The following SLIT3 variants were observed in gnomAD, a reference collection of about 807,000 sequenced individuals.
The protein encoded by SLIT3 is slit homolog 3 protein.
SLIT3 carries 68 observed loss-of-function variants against 184.0 expected under a neutral mutation model. That is an observed-to-expected ratio of 0.37 (90% CI 0.30 to 0.45). SLIT3 has a LOEUF of 0.45. SLIT3 is among the 20% of genes least tolerant of loss of function. The probability of loss-of-function intolerance (pLI) is 1.00; values close to 1 mark genes in which losing one functional copy is unlikely to be tolerated. For missense variants in SLIT3, 1,707 were observed against 2,026.0 expected (o/e 0.84, Z 3.02); for synonymous variants, 831 against 828.6 (o/e 1.00, Z -0.05).
chr5:169,139,591 C>G (rs369228663), intron 4 of SLIT3, among the ~76,000 whole-genome samples: 1 of 152,214 alleles, frequency 6.6e-6, no homozygotes, highest in Admixed American at 6.5e-5. Flanking sequence ...AGCCCACCCC[C>G]CCAGGGGCTC....
chr5:168,855,242 A>G (rs1207981048), intron 5 of SLIT3, among the ~76,000 whole-genome samples: 1 of 152,216 alleles, frequency 6.6e-6, no homozygotes, highest in Non-Finnish European at 1.5e-5. Flanking sequence ...GGATGTGGAG[A>G]AACTGGAACA....
chr5:169,151,812 G>A (rs765268105), intron 4 of SLIT3, among the ~76,000 whole-genome samples: 9 of 152,168 alleles, frequency 5.9e-5, no homozygotes, highest in Non-Finnish European at 1.3e-4. Context: ...AGAGAAAGAG[G>A]CAGAAGAGCA....
At chr5:169,123,147 G>A (rs1188698277) in intron 4 of SLIT3, among the ~76,000 whole-genome samples, 4 of 152,026 alleles carry the variant, frequency 2.6e-5, no homozygotes, top group Non-Finnish European at 4.4e-5. Flanking sequence ...GTTATGACAT[G>A]TCTGAACAGG....
chr5:169,264,546 T>C (rs142647456), intron 1 of SLIT3, among the ~76,000 whole-genome samples: 1 of 152,090 alleles, frequency 6.6e-6, no homozygotes, highest in Non-Finnish European at 1.5e-5. Context: ...TCCTAATGGG[T>C]GTCTTCCTCT....
chr5:169,249,605 A>T (rs998583125), intron 2 of SLIT3, among the ~76,000 whole-genome samples: 23 of 152,266 alleles, frequency 1.5e-4, no homozygotes, highest in African/African-American at 4.6e-4. Context: ...TAAATAAAAA[A>T]AAATAAAGTG....
intron 4 of SLIT3, among the ~76,000 whole-genome samples, chr5:169,142,080 AAAAT>A (rs765749214): frequency 0.047 from 2,011 of 42,682 alleles, 27 homozygotes; most frequent in African/African-American, 0.09. Context: ...AATAAAAATA[AAAAT>A]AAATAAATAA....
chr5:169,007,845 A>C (rs1172177930), intron 4 of SLIT3, among the ~76,000 whole-genome samples: 1 of 152,242 alleles, frequency 6.6e-6, no homozygotes, highest in African/African-American at 2.4e-5. Flanking sequence ...ACTCAGGGCC[A>C]AAAAAGTTAT....
At chr5:168,693,636 A>G (rs1170034010) in intron 28 of SLIT3, among the ~76,000 whole-genome samples, 1 of 151,960 alleles carries the variant, frequency 6.6e-6, no homozygotes, top group Non-Finnish European at 1.5e-5. Flanking sequence ...AGGTCTAACC[A>G]TGAACGTTCT....
At chr5:169,255,644 G>A (rs1343752021) in intron 1 of SLIT3, among the ~76,000 whole-genome samples, 1 of 152,200 alleles carries the variant, frequency 6.6e-6, no homozygotes, top group Non-Finnish European at 1.5e-5. Context: ...AGCACTTTGG[G>A]AGGCCAAGCC....
chr5:169,069,882 G>A (rs1378457309), intron 4 of SLIT3, among the ~76,000 whole-genome samples: 1 of 152,116 alleles, frequency 6.6e-6, no homozygotes, highest in East Asian at 1.9e-4. Flanking sequence ...TGAGAGTCTG[G>A]GTAGTGGGGA....
chr5:169,187,907 C>T (rs1763411738), intron 4 of SLIT3, among the ~76,000 whole-genome samples: 1 of 151,820 alleles, frequency 6.6e-6, no homozygotes, highest in Non-Finnish European at 1.5e-5. Context: ...GTGTCCCTCA[C>T]CACTCACCCT....
chr5:169,278,135 C>T (rs1317633625), intron 1 of SLIT3, among the ~76,000 whole-genome samples: 1 of 152,164 alleles, frequency 6.6e-6, no homozygotes, highest in Non-Finnish European at 1.5e-5. Context: ...TCCCTGACTC[C>T]CCTGTTGACA....
intron 4 of SLIT3, among the ~76,000 whole-genome samples, chr5:168,905,775 T>G (rs767607832): frequency 2.6e-5 from 4 of 152,200 alleles, no homozygotes; most frequent in Admixed American, 6.5e-5. Context: ...GAGCCTGGGT[T>G]AGCATGCCTG....
At chr5:169,106,141 A>C (rs564302552) in intron 4 of SLIT3, among the ~76,000 whole-genome samples, 14 of 152,312 alleles carry the variant, frequency 9.2e-5, no homozygotes, top group African/African-American at 3.4e-4. Context: ...GCAGAAAACC[A>C]CCATGGCACA....
intron 4 of SLIT3, among the ~76,000 whole-genome samples, chr5:168,967,309 C>T (rs1763231033): frequency 6.6e-6 from 1 of 151,746 alleles, no homozygotes; most frequent in South Asian, 2.1e-4. Flanking sequence ...GGTGAACAAT[C>T]ATGAGTTTAA....
At chr5:168,826,678 T>A (rs78590689) in intron 6 of SLIT3, among the ~76,000 whole-genome samples, 21,047 of 152,238 alleles carry the variant, frequency 0.14, 1,787 homozygotes, top group East Asian at 0.26. Flanking sequence ...GGCAATTAGA[T>A]GAGATGTTAC....
chr5:169,137,331 C>CAGAGAGAGAG (rs766822479), intron 4 of SLIT3, among the ~76,000 whole-genome samples: 4,211 of 131,568 alleles, frequency 0.032, 100 homozygotes, highest in South Asian at 0.065. Context: ...CACACACACA[C>CAGAGAGAGAG]ACACAGAGAG....
At chr5:168,976,398 T>C (rs989875763) in intron 4 of SLIT3, among the ~76,000 whole-genome samples, 3 of 152,236 alleles carry the variant, frequency 2.0e-5, no homozygotes, top group African/African-American at 7.2e-5. Flanking sequence ...ACAGATGCTA[T>C]GCATACCACT....
At chr5:169,112,583 C>G (rs566158291) in intron 4 of SLIT3, among the ~76,000 whole-genome samples, 1 of 152,148 alleles carries the variant, frequency 6.6e-6, no homozygotes, top group East Asian at 1.9e-4. Flanking sequence ...CATTTTTGCC[C>G]CATGGTGGTA....
Sources: allele counts gnomAD v4.1 joint callset (sites outside exome capture counted in the v4.1 genomes callset), GRCh38; gene constraint gnomAD v4.1.1; transcripts MANE v1.5; gene names NCBI Gene and HGNC (gene_info 2026-07-23, HGNC 2026-07-21).